Variants in NUP133 observed in about 807,000 individuals in gnomAD.
NUP133 encodes the protein nucleoporin 133.
Under a neutral mutation model 146.2 loss-of-function variants are expected in NUP133, and 66 were observed. The observed-to-expected ratio is 0.45, with a 90% CI of 0.37 to 0.55. NUP133 has a LOEUF of 0.55. NUP133 is among the 20% of genes least tolerant of loss of function. The probability of loss-of-function intolerance (pLI) is 0.00; values close to 1 mark genes in which losing one functional copy is unlikely to be tolerated. For missense variants in NUP133, 1,277 were observed against 1,374.8 expected, an observed-to-expected ratio of 0.93 and a Z score of 1.12; for synonymous variants, 521 against 498.8, an observed-to-expected ratio of 1.04 and a Z score of -0.59.
rs375459847 is a variant in NUP133 at position 229,495,453 on chromosome 1, C to A, written c.1046+42G>T. 23 of 1,413,008 alleles carry A rather than the reference C, an allele frequency of 1.6e-5. No individual in the cohort carries two copies. The African/African-American group carries it at 3.1e-4, about 19-fold the overall frequency. 87.5% of individuals were successfully genotyped at this position (1,413,008 alleles called of 1,614,324 possible). On this transcript the variant is annotated intron_variant, in intron 8 of 25. Coordinates refer to ENST00000261396, the MANE Select transcript of NUP133 (RefSeq NM_018230.3). The stretch of plus-strand genomic sequence containing the variant: ...ATTATAAACATCAACTTATTTTTTC[C>A]AAACTCTTCTCTATGTTCTTTACGA...
intron 9 of NUP133, among the ~76,000 whole-genome samples, chr1:229,489,479 G>C (rs541314071): frequency 6.6e-6 from 1 of 152,328 alleles, no homozygotes; most frequent in East Asian, 1.9e-4. Flanking sequence ...CTAAGCAAAA[G>C]AACAAGCCTG....
At chr1:229,468,369 C>A (rs1191376321) in intron 15 of NUP133, among the ~76,000 whole-genome samples, 1 of 152,140 alleles carries the variant, frequency 6.6e-6, no homozygotes, top group Admixed American at 6.5e-5. Flanking sequence ...CTATTGTATT[C>A]TCTTTTCATG....
Position 229,506,131 on chromosome 1 carries a change from G to T in NUP133, c.210C>A (p.His70Gln). Residue 70 changes from histidine to glutamine, a missense_variant, in exon 2 of 26, where the codon CAC becomes CAA. His to Gln is a conservative substitution (Grantham distance 24). Coordinates refer to ENST00000261396, the MANE Select transcript of NUP133 (RefSeq NM_018230.3). ...AGTTCACAGACTCAGTTATGGAGTGGTGTGGGAACATTCGTGTTGGTGTTC... is the reference window on the plus strand; with the variant it reads ...AGTTCACAGACTCAGTTATGGAGTGTTGTGGGAACATTCGTGTTGGTGTTC... ...SRGTPTRMFP[H>Q]HSITESVNYD... 1 of 1,611,710 alleles carries T rather than the reference G, an allele frequency of 6.2e-7. No individual in the cohort carries two copies. Among genetic ancestry groups the T allele is most frequent in the Non-Finnish European group, 8.5e-7 (1 of 1,178,196 alleles).
intron 14 of NUP133, among the ~76,000 whole-genome samples, chr1:229,472,964 C>T (rs952308668): frequency 2.6e-5 from 4 of 151,612 alleles, no homozygotes; most frequent in African/African-American, 9.7e-5. Context: ...CAGAAATATT[C>T]CCTAGGGCTG....
rs182308850 is a variant in NUP133 at position 229,442,725 on chromosome 1, T to A, written c.3335-685A>T. Reference sequence around the variant, plus strand: ...ATCATTTTTTGGTTCTTTTTTTTTTTTTTTTTCAGGCGGAGTCTCACTCTG... The same window carrying A: ...ATCATTTTTTGGTTCTTTTTTTTTTATTTTTTCAGGCGGAGTCTCACTCTG... On this transcript the variant is annotated intron_variant, in intron 25 of 25. Coordinates refer to ENST00000261396, the MANE Select transcript of NUP133 (RefSeq NM_018230.3). Among the ~76,000 whole-genome samples, 87 of 150,800 alleles carry A rather than the reference T, an allele frequency of 5.8e-4. 1 individual carries two copies. In the East Asian group the frequency reaches 0.016, roughly 28 times the overall value.
intron 19 of NUP133, 21 bp from the exon 20 acceptor site, chr1:229,460,790 A>T: frequency 6.3e-7 from 1 of 1,593,818 alleles, no homozygotes; most frequent in Non-Finnish European, 8.6e-7. Context: ...CAGAACATAG[A>T]ATTCATTCAT....
rs771835170 is a variant in NUP133 at position 229,460,632 on chromosome 1, A to G, written c.2823T>C (p.Ile941=). Residue 941 remains isoleucine, a synonymous_variant, in exon 20 of 26, where the codon ATT becomes ATC. Transcript: ENST00000261396. ...AHEHLSWLHE[I]NSQELEKAHA... ...TTACCTTTTCTAATTCTTGGCTATT[A>G]ATTTCATGTAACCAGCTGAGATGTT... 1 of 1,613,376 alleles carries G rather than the reference A, an allele frequency of 6.2e-7. No homozygotes were observed. The highest frequency in any genetic ancestry group is 8.5e-7 in the Non-Finnish European group (1 of 1,179,788).
intron 14 of NUP133, among the ~76,000 whole-genome samples, chr1:229,472,165 A>G (rs1298492546): frequency 6.6e-6 from 1 of 151,970 alleles, no homozygotes; most frequent in Non-Finnish European, 1.5e-5. Flanking sequence ...TAAAAATACA[A>G]AAAATTAGCC....
At chr1:229,502,279 C>T (rs1293494896) in intron 2 of NUP133, among the ~76,000 whole-genome samples, 177 bp from the exon 3 acceptor site, 3 of 152,070 alleles carry the variant, frequency 2.0e-5, no homozygotes, top group Non-Finnish European at 4.4e-5. Flanking sequence ...TGATAACCAA[C>T]TTTAGAAATA....
At chr1:229,447,891 T>A (rs1396264181) in intron 24 of NUP133, among the ~76,000 whole-genome samples, 3 of 151,764 alleles carry the variant, frequency 2.0e-5, no homozygotes, top group African/African-American at 7.3e-5. Flanking sequence ...AGACAGGAGG[T>A]CAGCAGGACT....
At chr1:229,475,073 G>A (rs778230617) in intron 14 of NUP133, among the ~76,000 whole-genome samples, 1 of 152,070 alleles carries the variant, frequency 6.6e-6, no homozygotes, top group Non-Finnish European at 1.5e-5. Flanking sequence ...CTACACTCCA[G>A]ACTGGGCAAC....
intron 15 of NUP133, among the ~76,000 whole-genome samples, chr1:229,467,964 A>G (rs1660862337): frequency 6.6e-6 from 1 of 152,130 alleles, no homozygotes; most frequent in Non-Finnish European, 1.5e-5. Flanking sequence ...TATAAAAGAC[A>G]GAAAATAACA....
intron 14 of NUP133, among the ~76,000 whole-genome samples, chr1:229,472,315 T>C (rs1266485407): frequency 3.2e-5 from 4 of 125,008 alleles, no homozygotes; most frequent in Non-Finnish European, 6.5e-5. Flanking sequence ...CGAGACTCCG[T>C]CTCAAAAAAA....
intron 9 of NUP133, among the ~76,000 whole-genome samples, chr1:229,489,602 G>C (rs770751121): frequency 5.9e-5 from 9 of 152,230 alleles, no homozygotes; most frequent in Non-Finnish European, 1.3e-4. Context: ...CACGCAAGGT[G>C]GCTCACACCT....
At chr1:229,455,418 G>A (rs1322901287) in intron 21 of NUP133, among the ~76,000 whole-genome samples, 5 of 151,984 alleles carry the variant, frequency 3.3e-5, no homozygotes, top group African/African-American at 1.2e-4. Flanking sequence ...AAAATTAGCC[G>A]GGCATGGGAG....
rs760521214 is a variant in NUP133 at position 229,506,145 on chromosome 1, G to A, written c.196C>T (p.Arg66Ter). Reference protein sequence around the residue: ...SSLSSRGTPTRMFPHHSITES... With the variant: ...SSLSSRGTPT ...GTTATGGAGTGGTGTGGGAACATTC[G>A]TGTTGGTGTTCCCCTAAAGAAAAGA... The change falls in exon 2 of 26, where the codon CGA becomes TGA. Residue 66 changes from arginine (R) to a stop codon, truncating the protein, a stop_gained. Transcript: ENST00000261396. LOFTEE classifies it high-confidence loss of function. The A allele has an allele frequency of 3.1e-6, 5 of 1,601,252 alleles. No individual in the cohort carries two copies. Among genetic ancestry groups the A allele is most frequent in the East Asian group, 4.5e-5 (2 of 44,750 alleles).
At chr1:229,473,672 G>T (rs111563460) in intron 14 of NUP133, among the ~76,000 whole-genome samples, 9,762 of 152,006 alleles carry the variant, frequency 0.064, 871 homozygotes, top group African/African-American at 0.19. Flanking sequence ...ACCTGTAATC[G>T]CAGCACTTTG....
At chr1:229,487,645 A>T in intron 9 of NUP133, 32 bp from the exon 10 acceptor site, 1 of 1,514,452 alleles carries the variant, frequency 6.6e-7, no homozygotes, top group Admixed American at 2.1e-5. Context: ...ACATTTAACA[A>T]GAAGTAAAAC....
intron 12 of NUP133, among the ~76,000 whole-genome samples, chr1:229,482,887 C>T (rs34405887): frequency 0.19 from 28,343 of 152,116 alleles, 2,843 homozygotes; most frequent in Middle Eastern, 0.24. Context: ...GAATAGAGAG[C>T]GAGCTGGCCA....
Sources: gnomAD v4.1 joint callset for allele counts (sites outside exome capture counted in the v4.1 genomes callset) on GRCh38, gnomAD v4.1.1 for gene constraint, MANE v1.5 for transcripts, NCBI Gene and HGNC (gene_info 2026-07-23, HGNC 2026-07-21) for gene names.